The following CCDC170 variants were observed in gnomAD, a reference collection of about 807,000 sequenced individuals.
The protein encoded by CCDC170 is coiled-coil domain-containing protein 170.
In CCDC170, 69 loss-of-function variants were observed where a neutral mutation model predicts 72.6. That is an observed-to-expected ratio of 0.95 (90% CI 0.78 to 1.16). The LOEUF (loss-of-function observed/expected upper bound fraction) is 1.16, where lower values mean the gene tolerates loss of function less well. Among genes scored for constraint, CCDC170 ranks in the 50% most tolerant of loss-of-function variants. The pLI is 0.00. For synonymous variants in CCDC170, 300 were observed against 303.9 expected (o/e 0.99, Z 0.13); for missense variants, 852 against 832.5 (o/e 1.02, Z -0.29).
chr6:151,547,680 T>A (rs933518329), intron 4 of CCDC170, among the ~76,000 whole-genome samples: 1 of 151,968 alleles, frequency 6.6e-6, no homozygotes, highest in Non-Finnish European at 1.5e-5. Flanking sequence ...CCCTACAGAG[T>A]GAAATTGTCT....
intron 1 of CCDC170, among the ~76,000 whole-genome samples, chr6:151,499,713 C>T (rs1381124571): frequency 6.6e-6 from 1 of 152,248 alleles, no homozygotes; most frequent in Non-Finnish European, 1.5e-5. Context: ...CCTTCAATGA[C>T]TGGCTTATTT....
chr6:151,545,356 T>C (rs1448279035), intron 4 of CCDC170, among the ~76,000 whole-genome samples: 4 of 151,958 alleles, frequency 2.6e-5, no homozygotes, highest in Non-Finnish European at 4.4e-5. Flanking sequence ...AGGCGGAGGT[T>C]GCAGTGAGAT....
At chr6:151,594,390 C>G (rs759225664) in intron 8 of CCDC170, among the ~76,000 whole-genome samples, 35 of 152,194 alleles carry the variant, frequency 2.3e-4, no homozygotes, top group Non-Finnish European at 4.4e-4. Flanking sequence ...AAACCCTTGG[C>G]TCACAGAATA....
At chr6:151,542,035 A>C (rs1284221784) in intron 3 of CCDC170, among the ~76,000 whole-genome samples, 1 of 151,138 alleles carries the variant, frequency 6.6e-6, no homozygotes, top group African/African-American at 2.4e-5. Context: ...ATGTGCCACC[A>C]CACCCAGCTA....
At chr6:151,573,083 G>C (rs974647195) in intron 5 of CCDC170, 91 bp from the exon 6 acceptor site, 2 of 1,175,164 alleles carry the variant, frequency 1.7e-6, no homozygotes, top group African/African-American at 3.1e-5. Context: ...GTAGTCATTA[G>C]CAGGCAAAGT....
intron 9 of CCDC170, among the ~76,000 whole-genome samples, chr6:151,598,133 G>A (rs754622466): frequency 1.5e-4 from 23 of 152,172 alleles, no homozygotes; most frequent in African/African-American, 4.8e-4. Context: ...TACAAGGAAG[G>A]GGGGAAGCAA....
intron 9 of CCDC170, 45 bp from the exon 10 acceptor site, chr6:151,615,398 T>G: frequency 7.5e-7 from 1 of 1,341,604 alleles, no homozygotes; most frequent in Non-Finnish European, 1.1e-6. Context: ...ACAGTTTTCC[T>G]AACTAAATAC....
At chr6:151,537,252 T>C (rs775318092) in intron 2 of CCDC170, among the ~76,000 whole-genome samples, 2 of 152,202 alleles carry the variant, frequency 1.3e-5, no homozygotes, top group African/African-American at 2.4e-5. Context: ...ATTCTGCTTA[T>C]AGCCTGGTGG....
intron 1 of CCDC170, among the ~76,000 whole-genome samples, chr6:151,521,468 GAGT>G (rs1185606184): frequency 6.6e-6 from 1 of 152,190 alleles, no homozygotes; most frequent in Non-Finnish European, 1.5e-5. Flanking sequence ...GTTCAAATCA[GAGT>G]AACTCCATCT....
chr6:151,557,614 A>T (rs1325960934), intron 5 of CCDC170, among the ~76,000 whole-genome samples: 2 of 152,092 alleles, frequency 1.3e-5, no homozygotes, highest in Non-Finnish European at 2.9e-5. Flanking sequence ...AAATCTCCAT[A>T]CTGTGTTCCA....
chr6:151,561,562 T>G (rs1426506798), intron 5 of CCDC170, among the ~76,000 whole-genome samples: 1 of 152,112 alleles, frequency 6.6e-6, no homozygotes, highest in Non-Finnish European at 1.5e-5. Context: ...GCTTGTAAAG[T>G]TTCTACTGAG....
Position 151,618,070 on chromosome 6 carries a change from G to A in CCDC170, c.2071G>A (p.Val691Ile). 1 of 1,614,110 alleles carries A rather than the reference G, an allele frequency of 6.2e-7. No individual in the cohort carries two copies. The highest frequency in any genetic ancestry group is 8.5e-7 in the Non-Finnish European group (1 of 1,180,024). Reference protein sequence around the residue: ...RLVHSHQHHFVTCACLKDVTT... With the variant: ...RLVHSHQHHFITCACLKDVTT... ...GGTCCATTCACATCAGCATCACTTT[G>A]TTACCTGTGCCTGCCTCAAAGATGT... The change falls in exon 11 of 11, where the codon GTT (valine) becomes ATT (isoleucine). Residue 691 changes from valine (V) to isoleucine (I), a missense_variant. Coordinates refer to ENST00000239374, the MANE Select transcript of CCDC170 (RefSeq NM_025059.4).
chr6:151,546,225 C>G (rs966193879), intron 4 of CCDC170, among the ~76,000 whole-genome samples: 7 of 152,126 alleles, frequency 4.6e-5, no homozygotes, highest in African/African-American at 2.4e-5. Context: ...GACCATGGGT[C>G]CACCTGATGC....
At chr6:151,544,381 G>A (rs541887917) in intron 3 of CCDC170, among the ~76,000 whole-genome samples, 191 bp from the exon 4 acceptor site, 5 of 152,224 alleles carry the variant, frequency 3.3e-5, no homozygotes, top group Admixed American at 2.6e-4. Context: ...TCCCAAAATT[G>A]CTGCCACTTT....
chr6:151,545,657 C>G (rs1782760377), intron 4 of CCDC170, among the ~76,000 whole-genome samples: 1 of 151,882 alleles, frequency 6.6e-6, no homozygotes. Flanking sequence ...AATTTAGAGA[C>G]AAGATCTTGC....
chr6:151,565,168 G>A (rs1776113021), intron 5 of CCDC170, among the ~76,000 whole-genome samples: 1 of 152,184 alleles, frequency 6.6e-6, no homozygotes, highest in Admixed American at 6.5e-5. Context: ...GGTGGGGTAT[G>A]GCAGTGGGGC....
At chr6:151,502,108 A>C (rs1007554713) in intron 1 of CCDC170, among the ~76,000 whole-genome samples, 2 of 152,174 alleles carry the variant, frequency 1.3e-5, no homozygotes, top group Non-Finnish European at 2.9e-5. Flanking sequence ...GATATTGCTC[A>C]TAAAAATAAC....
rs145602642 is a variant in CCDC170 at position 151,510,038 on chromosome 6, G to A, written c.57+15853G>A. On this transcript the variant is annotated intron_variant, in intron 1 of 10. Transcript: ENST00000239374. ...CTCAGGAGGCTGAGGTATGAGAATC[G>A]CTTGAACCTGGGAGGTGGAGGTTGC... Among the ~76,000 whole-genome samples the A allele has an allele frequency of 2.6e-3, 396 of 152,238 alleles. 1 individual carries two copies. Among genetic ancestry groups the A allele is most frequent in the African/African-American group, 8.5e-3 (355 of 41,542 alleles).
In CCDC170 at chr6:151,596,436, C is replaced by T; in HGVS notation, c.1569C>T (p.Ala523=). 3 of 1,614,120 alleles carry T rather than the reference C, an allele frequency of 1.9e-6. No individual in the cohort carries two copies. The highest frequency in any genetic ancestry group is 2.5e-6 in the Non-Finnish European group (3 of 1,180,008). Residue 523 remains alanine (A), a synonymous_variant, in exon 9 of 11, where the codon GCC becomes GCT. Transcript: ENST00000239374. The part of the protein sequence containing the change: ...QLEEEKQART[A]LVVERDNAHL... ...AGGAGGAGAAGCAGGCACGCACGGC[C>T]TTGGTGGTTGAGAGGGACAACGCGC...
Sources: gnomAD v4.1 joint callset for allele counts (sites outside exome capture counted in the v4.1 genomes callset) on GRCh38, gnomAD v4.1.1 for gene constraint, MANE v1.5 for transcripts, NCBI Gene and HGNC (gene_info 2026-07-23, HGNC 2026-07-21) for gene names.